EPHA5: variants seen among roughly 807,000 people sequenced by gnomAD.
The protein encoded by EPHA5 is ephrin type-A receptor 5.
EPHA5 carries 60 observed loss-of-function variants against 105.0 expected under a neutral mutation model. That is an observed-to-expected ratio of 0.57 (90% confidence interval 0.46 to 0.71). The LOEUF (loss-of-function observed/expected upper bound fraction) is 0.71. Ranked by LOEUF, EPHA5 falls within the 30% of genes least tolerant of loss-of-function variation. The pLI is 0.00. For missense variants in EPHA5, 1,218 were observed against 1,274.7 expected (o/e 0.96, Z 0.68); for synonymous variants, 513 against 449.1 (o/e 1.14, Z -1.80).
intron 5 of EPHA5, among the ~76,000 whole-genome samples, chr4:65,423,951 C>A (rs1724178484): frequency 6.6e-6 from 1 of 151,874 alleles, no homozygotes; most frequent in Non-Finnish European, 1.5e-5. Flanking sequence ...ACATAACTAC[C>A]TATATCTATA....
intron 8 of EPHA5, among the ~76,000 whole-genome samples, chr4:65,403,386 A>G (rs1722043299): frequency 7.9e-6 from 1 of 127,148 alleles, no homozygotes; most frequent in Non-Finnish European, 1.8e-5. Flanking sequence ...TTTGGACCTT[A>G]TGGTACATTT....
chr4:65,365,891 C>G (rs776002532), intron 10 of EPHA5, 41 bp downstream of exon 10: 13 of 1,582,850 alleles, frequency 8.2e-6, no homozygotes, highest in Middle Eastern at 1.7e-4. Context: ...TTCTGGAATG[C>G]AAACAAAAGT....
chr4:65,404,447 G>T lies in EPHA5; in HGVS notation c.1720C>A (p.Pro574Thr). 15 of 1,613,770 alleles carry T rather than the reference G, an allele frequency of 9.3e-6. No individual in the cohort carries two copies. Among genetic ancestry groups the T allele is most frequent in the Non-Finnish European group, 1.2e-5 (14 of 1,179,796 alleles). ...ACTGTCACAGACACAGCAATTACAG[G>T]AATCTGGCTTTGATCGCTGGATGCT... ...VAASSDQSQI[P>T]VIAVSVTVGV... is the part of the protein sequence containing the mutation. Residue 574 changes from proline (P) to threonine (T), a missense_variant, in exon 8 of 17, where the codon CCT becomes ACT. By Grantham distance (38) the Pro-to-Thr change is conservative. Transcript: ENST00000613740.
At chr4:65,470,972 T>A (rs1320950464) in intron 5 of EPHA5, among the ~76,000 whole-genome samples, 1 of 152,194 alleles carries the variant, frequency 6.6e-6, no homozygotes, top group African/African-American at 2.4e-5. Context: ...ACTGCTGTAT[T>A]CAAACTGTGT....
intron 2 of EPHA5, among the ~76,000 whole-genome samples, chr4:65,616,544 G>A (rs1219121078): frequency 6.6e-6 from 1 of 151,542 alleles, no homozygotes; most frequent in Non-Finnish European, 1.5e-5. Context: ...CATAATTAAT[G>A]ATCAATAAAA....
At chr4:65,444,586 T>G (rs1004039361) in intron 5 of EPHA5, among the ~76,000 whole-genome samples, 8 of 152,144 alleles carry the variant, frequency 5.3e-5, no homozygotes, top group Non-Finnish European at 7.4e-5. Context: ...TGCACAGTGT[T>G]AACATCCACA....
intron 5 of EPHA5, among the ~76,000 whole-genome samples, chr4:65,487,869 T>G (rs1166999583): frequency 1.3e-5 from 2 of 152,186 alleles, no homozygotes; most frequent in African/African-American, 4.8e-5. Context: ...CTTGATCAAT[T>G]GACTCTCTCT....
chr4:65,579,377 A>ATAT (rs1560727039), intron 3 of EPHA5, among the ~76,000 whole-genome samples: 10 of 92,272 alleles, frequency 1.1e-4, no homozygotes, highest in African/African-American at 2.0e-4. Flanking sequence ...TATATATATA[A>ATAT]ATATATATAT....
chr4:65,576,069 A>AG (rs1560721263), intron 3 of EPHA5, among the ~76,000 whole-genome samples: 27 of 80,118 alleles, frequency 3.4e-4, no homozygotes, highest in African/African-American at 1.1e-3. Flanking sequence ...AAAAGAAAAG[A>AG]AAAGAAAAGA....
chr4:65,533,853 G>C (rs1736050808), intron 3 of EPHA5, among the ~76,000 whole-genome samples: 1 of 151,970 alleles, frequency 6.6e-6, no homozygotes, highest in African/African-American at 2.4e-5. Context: ...AGAGTCACTT[G>C]AACCTGGGAG....
At chr4:65,441,158 A>G (rs796121481) in intron 5 of EPHA5, among the ~76,000 whole-genome samples, 2 of 152,096 alleles carry the variant, frequency 1.3e-5, no homozygotes, top group East Asian at 3.8e-4. Flanking sequence ...TTAATATACT[A>G]TATTAAATTT....
intron 8 of EPHA5, among the ~76,000 whole-genome samples, chr4:65,397,903 A>T (rs188132789): frequency 1.3e-5 from 2 of 151,914 alleles, no homozygotes; most frequent in South Asian, 2.1e-4. Flanking sequence ...CAGAGGGGGG[A>T]CTGATGGCAG....
intron 6 of EPHA5, among the ~76,000 whole-genome samples, chr4:65,418,364 G>A (rs1049025303): frequency 6.6e-6 from 1 of 152,154 alleles, no homozygotes; most frequent in African/African-American, 2.4e-5. Context: ...TTGCAATGCT[G>A]TTTGTTACTA....
At chr4:65,412,420 AT>A (rs1309496446) in intron 7 of EPHA5, among the ~76,000 whole-genome samples, 2 of 152,168 alleles carry the variant, frequency 1.3e-5, no homozygotes, top group African/African-American at 4.8e-5. Context: ...TTGTTGTTGA[AT>A]TATATTCAGA....
Position 65,495,546 on chromosome 4 carries a change from G to T in EPHA5, c.911-3C>A. ...TTTGAAGAACCCAGGTCTGCACACT[G>T]TCAAAAGAAATAAGAGACTAAGCTT... On this transcript the variant is annotated splice_polypyrimidine_tract_variant and splice_region_variant and intron_variant, in intron 3 of 16. Transcript: ENST00000613740. The T allele has an allele frequency of 6.2e-7, 1 of 1,604,740 alleles. No homozygotes were observed. Among genetic ancestry groups the T allele is most frequent in the East Asian group, 2.2e-5 (1 of 44,652 alleles).
At chr4:65,393,580 C>T (rs772957218) in intron 8 of EPHA5, among the ~76,000 whole-genome samples, 1 of 152,196 alleles carries the variant, frequency 6.6e-6, no homozygotes, top group Non-Finnish European at 1.5e-5. Flanking sequence ...TATCCAATAA[C>T]TTCATTTTAA....
At chr4:65,460,617 T>C (rs1384933798) in intron 5 of EPHA5, among the ~76,000 whole-genome samples, 1 of 151,624 alleles carries the variant, frequency 6.6e-6, no homozygotes, top group African/African-American at 2.4e-5. Flanking sequence ...ATTTAAAATA[T>C]AGCAATATTA....
chr4:65,461,080 ATTAC>A (rs1728078696), intron 5 of EPHA5, among the ~76,000 whole-genome samples: 1 of 151,880 alleles, frequency 6.6e-6, no homozygotes. Flanking sequence ...TACCCTCATA[ATTAC>A]ATACCATAAC....
chr4:65,482,880 C>CT (rs1241253139), intron 5 of EPHA5, among the ~76,000 whole-genome samples: 2 of 144,214 alleles, frequency 1.4e-5, no homozygotes, highest in African/African-American at 5.2e-5. Flanking sequence ...TATTATTATA[C>CT]TTTAAGTTCT....
Sources: allele counts gnomAD v4.1 joint callset (sites outside exome capture counted in the v4.1 genomes callset), GRCh38; gene constraint gnomAD v4.1.1; transcripts MANE v1.5; gene names NCBI Gene and HGNC (gene_info 2026-07-23, HGNC 2026-07-21).